NR4A1: variants seen among roughly 807,000 people sequenced by gnomAD.
The protein encoded by NR4A1 is nuclear receptor subfamily 4immunitygroup A member 1.
In NR4A1, 24 loss-of-function variants were observed where a neutral mutation model predicts 47.5. That is an observed-to-expected ratio of 0.50 (90% CI 0.37 to 0.71). NR4A1 has a LOEUF of 0.71. Ranked by LOEUF, NR4A1 falls within the 30% of genes least tolerant of loss-of-function variation. The pLI is 0.00. For synonymous variants in NR4A1, 353 were observed against 345.7 expected (o/e 1.02, Z -0.24); for missense variants, 669 against 788.6 (o/e 0.85, Z 1.82).
At chr12:52,029,380 A>T (rs1446504714) in intron 1 of NR4A1, among the ~76,000 whole-genome samples, 1 of 152,188 alleles carries the variant, frequency 6.6e-6, no homozygotes, top group East Asian at 1.9e-4. Flanking sequence ...GGCACAGGGG[A>T]AACAGGCCCC....
chr12:52,054,792 A>G lies in NR4A1; in HGVS notation c.464A>G (p.Asp155Gly). Reference sequence around the variant, plus strand: ...CAGCCGCCCCAGCTCTCTCCCTGGGATGGCTCCTTCGGCCACTTCTCGCCC... The same window carrying G: ...CAGCCGCCCCAGCTCTCTCCCTGGGGTGGCTCCTTCGGCCACTTCTCGCCC... ...SFQPPQLSPW[D>G]GSFGHFSPSQ... Residue 155 changes from aspartate (D) to glycine (G), a missense_variant, in exon 2 of 7, where the codon GAT becomes GGT. Physicochemically the swap from Asp to Gly is moderately conservative, Grantham distance 94 (BLOSUM62 -1). Coordinates refer to ENST00000394825, the MANE Select transcript of NR4A1 (RefSeq NM_173157.3). The G allele has an allele frequency of 1.2e-6, 2 of 1,613,074 alleles. No individual in the cohort carries two copies. The highest frequency in any genetic ancestry group is 1.7e-6 in the Non-Finnish European group (2 of 1,179,952).
At chr12:52,026,258 A>T (rs142432216) in intron 1 of NR4A1, among the ~76,000 whole-genome samples, 5 of 152,394 alleles carry the variant, frequency 3.3e-5, no homozygotes, top group African/African-American at 9.6e-5. Flanking sequence ...TTGGTAGTGC[A>T]GCAGATTGAC....
Position 52,055,094 on chromosome 12 carries a change from C to T in NR4A1, c.766C>T (p.Arg256Trp), listed in dbSNP as rs148728078. The stretch of plus-strand genomic sequence containing the variant: ...TACACCCGTGACCTCAACCAAGGCC[C>T]GGAGCGGGGCCCCAGGTGGAAGTGA... Reference protein sequence around the residue: ...LDTPVTSTKARSGAPGGSEGR... With the variant: ...LDTPVTSTKAWSGAPGGSEGR... Residue 256 changes from arginine (R) to tryptophan (W), a missense_variant, in exon 2 of 7, where the codon CGG becomes TGG. By Grantham distance (101) the Arg-to-Trp change is moderately radical. Transcript: ENST00000394825. The T allele has an allele frequency of 7.9e-5, 127 of 1,614,220 alleles. 2 individuals are homozygous for T. Among genetic ancestry groups the T allele is most frequent in the South Asian group, 7.7e-5 (7 of 91,090 alleles).
chr12:52,038,651 G>C lies in NR4A1; in HGVS notation c.-83-3159G>C, dbSNP rs1256692991. ...AGTGAACATTTAAGATCAGTGACTTGGATGGAGACTTAAAAAGGAAGTCAG... is the reference window on the plus strand; with the variant it reads ...AGTGAACATTTAAGATCAGTGACTTCGATGGAGACTTAAAAAGGAAGTCAG... On this transcript the variant is annotated intron_variant, in intron 1 of 7. Coordinates refer to the NR4A1 transcript ENST00000360284. The C allele has an allele frequency of 4.0e-6, 3 of 743,764 alleles. No homozygotes were observed. The African/African-American group carries it at 5.1e-5, about 13-fold the overall frequency. 46.1% of individuals were successfully genotyped at this position (743,764 alleles called of 1,614,324 possible). A position where few individuals can be genotyped will look rare whatever the true frequency, so the allele number is the denominator to read the frequency against.
At chr12:52,033,521 C>A (rs1185199517) in intron 1 of NR4A1, among the ~76,000 whole-genome samples, 1 of 152,206 alleles carries the variant, frequency 6.6e-6, no homozygotes, top group Non-Finnish European at 1.5e-5. Flanking sequence ...CCAGCTCTGC[C>A]ATTTCCGGTC....
chr12:52,039,691 G>A (rs1278608651), intron 1 of NR4A1, among the ~76,000 whole-genome samples: 9 of 152,264 alleles, frequency 5.9e-5, no homozygotes, highest in African/African-American at 2.2e-4. Flanking sequence ...AGACTCTGCA[G>A]TGATTGAGAT....
At chr12:52,041,693 C>G in intron 1 of NR4A1, 3 of 1,151,436 alleles carry the variant, frequency 2.6e-6, no homozygotes, top group Non-Finnish European at 3.3e-6. Context: ...GCTTGTCCCC[C>G]TCTTGTGGCC....
intron 1 of NR4A1, among the ~76,000 whole-genome samples, chr12:52,027,572 G>C (rs910859986): frequency 2.6e-5 from 4 of 152,248 alleles, no homozygotes; most frequent in Non-Finnish European, 5.9e-5. Flanking sequence ...GGAGGGCTGA[G>C]AGCTCTGCTG....
chr12:52,039,770 C>T (rs1282330284), intron 1 of NR4A1, among the ~76,000 whole-genome samples: 2 of 152,216 alleles, frequency 1.3e-5, no homozygotes, highest in East Asian at 1.9e-4. Context: ...AACATTAGAC[C>T]TATGATGAAT....
chr12:52,049,644 G>T (rs1001595148), upstream of NR4A1, among the ~76,000 whole-genome samples: 4 of 152,212 alleles, frequency 2.6e-5, no homozygotes, highest in African/African-American at 9.6e-5. Flanking sequence ...AACAGAACAA[G>T]ACCTTGTCTC....
At chr12:52,034,066 C>G (rs1180032057) in intron 1 of NR4A1, among the ~76,000 whole-genome samples, 1 of 152,168 alleles carries the variant, frequency 6.6e-6, no homozygotes, top group Non-Finnish European at 1.5e-5. Context: ...GTCCTGGGTC[C>G]TGTGGCTTAC....
At chr12:52,056,999 G>T (rs1164254066) in intron 4 of NR4A1, 58 bp from the exon 5 acceptor site, 17 of 1,448,788 alleles carry the variant, frequency 1.2e-5, no homozygotes, top group Non-Finnish European at 1.4e-5. Context: ...ACAGCCATAC[G>T]TGGCAGTGGG....
chr12:52,055,838 C>G, intron 2 of NR4A1, 192 bp from the exon 3 acceptor site: 2 of 480,872 alleles, frequency 4.2e-6, no homozygotes, highest in African/African-American at 4.0e-5. Flanking sequence ...CCCCCAATGT[C>G]TTCAAGACTT....
chr12:52,054,983 G>C lies in NR4A1; in HGVS notation c.655G>C (p.Gly219Arg). Reference protein sequence around the residue: ...LFPSQATHQLGEGESYSMPTA... With the variant: ...LFPSQATHQLREGESYSMPTA... ...CCCCTCACAGGCCACCCACCAGCTG[G>C]GGGAGGGAGAGAGCTATTCCATGCC... The change falls in exon 2 of 7, where the codon GGG (glycine) becomes CGG (arginine). Residue 219 changes from glycine (G) to arginine (R), a missense_variant. Physicochemically the swap from Gly to Arg is moderately radical, Grantham distance 125. Coordinates refer to ENST00000394825, the MANE Select transcript of NR4A1 (RefSeq NM_173157.3). The C allele has an allele frequency of 6.2e-7, 1 of 1,614,214 alleles. No homozygotes were observed.
At chr12:52,028,223 AAAAAAAG>A (rs1310758523) in intron 1 of NR4A1, among the ~76,000 whole-genome samples, 3 of 151,278 alleles carry the variant, frequency 2.0e-5, no homozygotes, top group African/African-American at 7.3e-5. Context: ...AAAAAAAAAA[AAAAAAAG>A]AAGAGAGAAG....
intron 1 of NR4A1, chr12:52,037,385 G>A (rs1938274404): frequency 6.1e-6 from 6 of 985,708 alleles, no homozygotes; most frequent in Non-Finnish European, 7.2e-6. Context: ...GCTCAGGGCC[G>A]GCTGGTGCGC....
chr12:52,039,441 G>C (rs959776964), intron 1 of NR4A1, among the ~76,000 whole-genome samples: 47 of 152,230 alleles, frequency 3.1e-4, no homozygotes, highest in African/African-American at 1.1e-3. Context: ...GCAGGGGACA[G>C]AGCTGGGATC....
intron 3 of NR4A1, 104 bp from the exon 4 acceptor site, chr12:52,056,390 C>T (rs1712988085): frequency 1.3e-6 from 2 of 1,500,864 alleles, no homozygotes; most frequent in Non-Finnish European, 1.8e-6. Context: ...ACTCTGGGTC[C>T]TAGGGACTCG....
chr12:52,028,202 CAAAAAAAAAAAAAAAA>C (rs34072500), intron 1 of NR4A1, among the ~76,000 whole-genome samples: 1 of 61,766 alleles, frequency 1.6e-5, no homozygotes, highest in Admixed American at 2.2e-4. Context: ...ACCCTGTCTC[CAAAAAAAAAAAAAAAA>C]AAAAAAAAAA....
Sources: allele counts gnomAD v4.1 joint callset (sites outside exome capture counted in the v4.1 genomes callset), GRCh38; gene constraint gnomAD v4.1.1; transcripts MANE v1.5; gene names NCBI Gene and HGNC (gene_info 2026-07-23, HGNC 2026-07-21).